The following HPSE2 variants were observed in gnomAD, a reference collection of about 807,000 sequenced individuals.
HPSE2 encodes the protein inactive heparanase-2.
A neutral mutation model predicts 60.5 loss-of-function variants in HPSE2; 38 were observed. The ratio of observed to expected loss-of-function variants is 0.63; its 90% confidence interval spans 0.48 to 0.82. The LOEUF is 0.82. Ranked by LOEUF, HPSE2 falls within the 40% of genes least tolerant of loss-of-function variation. The pLI is 0.00. For synonymous variants in HPSE2, 295 were observed against 293.2 expected (o/e 1.01, Z -0.06); for missense variants, 713 against 740.4 (o/e 0.96, Z 0.43).
chr10:99,112,442 GTTTT>G, intron 3 of HPSE2, among the ~76,000 whole-genome samples: 1 of 151,262 alleles, frequency 6.6e-6, no homozygotes, highest in South Asian at 2.1e-4. Flanking sequence ...GTTTTGTTTT[GTTTT>G]GTTTTGTTTT....
intron 9 of HPSE2, among the ~76,000 whole-genome samples, chr10:98,590,554 A>C (rs1335658664): frequency 1.3e-5 from 2 of 152,196 alleles, no homozygotes; most frequent in Admixed American, 1.3e-4. Context: ...CTGAGAAAAG[A>C]GTTTTGTCTA....
chr10:99,014,971 A>G (rs1389190659), intron 3 of HPSE2, among the ~76,000 whole-genome samples: 2 of 152,260 alleles, frequency 1.3e-5, no homozygotes, highest in Non-Finnish European at 2.9e-5. Flanking sequence ...AAACAAATTT[A>G]CAAGAAAAAA....
At chr10:99,298,429 A>G in the HPSE2 span, among the ~76,000 whole-genome samples, 3 of 152,280 alleles carry the variant, frequency 2.0e-5, no homozygotes, top group East Asian at 1.9e-4. Flanking sequence ...TAGGGACAAC[A>G]GCAAGCAACC....
At chr10:99,294,817 G>A in the HPSE2 span, among the ~76,000 whole-genome samples, 49 of 152,060 alleles carry the variant, frequency 3.2e-4, no homozygotes, top group Non-Finnish European at 5.3e-4. Flanking sequence ...AAAATCAGGC[G>A]TGTACCACCA....
At position 99,215,576 on chromosome 10, in the gene HPSE2, G is replaced by A. The variant is rs141427524; in HGVS notation, c.448+16772C>T. Among the ~76,000 whole-genome samples, 202 of 152,230 alleles carry A rather than the reference G, an allele frequency of 1.3e-3. 1 individual carries two copies. The highest frequency in any genetic ancestry group is 4.6e-3 in the African/African-American group (190 of 41,528). On this transcript the variant is annotated intron_variant, in intron 2 of 11. Coordinates refer to ENST00000370552, the MANE Select transcript of HPSE2 (RefSeq NM_021828.5). ...AACCACCATGGCACAAGTATACCTAGGTAACAAATCTGTACTTTCTGCACA... is the reference window on the plus strand; with the variant it reads ...AACCACCATGGCACAAGTATACCTAAGTAACAAATCTGTACTTTCTGCACA...
At chr10:99,067,994 A>C (rs1034205943) in intron 3 of HPSE2, among the ~76,000 whole-genome samples, 1 of 152,164 alleles carries the variant, frequency 6.6e-6, no homozygotes, top group East Asian at 1.9e-4. Context: ...CAGATCTCTA[A>C]GGCAGGGGGA....
At chr10:98,562,092 G>C (rs570442910) in intron 9 of HPSE2, among the ~76,000 whole-genome samples, 4 of 151,214 alleles carry the variant, frequency 2.6e-5, no homozygotes, top group African/African-American at 9.7e-5. Flanking sequence ...ATATTTTCCC[G>C]TACCTTTTCT....
the HPSE2 span, among the ~76,000 whole-genome samples, chr10:99,246,720 C>G: frequency 6.7e-6 from 1 of 148,204 alleles, no homozygotes; most frequent in Non-Finnish European, 1.5e-5. Flanking sequence ...GCACTCCAGC[C>G]TGGCAACAGA....
intron 3 of HPSE2, among the ~76,000 whole-genome samples, chr10:99,098,696 T>C (rs1193170616): frequency 2.6e-5 from 4 of 152,162 alleles, no homozygotes; most frequent in Non-Finnish European, 5.9e-5. Context: ...AGAAAATATG[T>C]TCTGAAATTT....
chr10:99,172,025 T>C (rs1847330453), intron 2 of HPSE2, among the ~76,000 whole-genome samples: 1 of 152,194 alleles, frequency 6.6e-6, no homozygotes, highest in African/African-American at 2.4e-5. Context: ...GTATCATAAC[T>C]TTTTATAATT....
chr10:98,709,120 G>A (rs1400611470), intron 5 of HPSE2, among the ~76,000 whole-genome samples: 1 of 152,142 alleles, frequency 6.6e-6, no homozygotes, highest in Non-Finnish European at 1.5e-5. Flanking sequence ...TTGATAGATT[G>A]TTCTGCTCTC....
intron 9 of HPSE2, among the ~76,000 whole-genome samples, chr10:98,597,635 C>T (rs1283337878): frequency 6.6e-6 from 1 of 150,902 alleles, no homozygotes; most frequent in Non-Finnish European, 1.5e-5. Flanking sequence ...TGTGCCACTG[C>T]ACTCCAGCCT....
At chr10:98,630,523 T>C (rs2134009676) in intron 7 of HPSE2, among the ~76,000 whole-genome samples, 1 of 152,072 alleles carries the variant, frequency 6.6e-6, no homozygotes, top group Non-Finnish European at 1.5e-5. Flanking sequence ...CGATTACCTT[T>C]CCCCTGCTCA....
At chr10:98,862,075 T>C (rs1952471226) in intron 3 of HPSE2, among the ~76,000 whole-genome samples, 1 of 152,218 alleles carries the variant, frequency 6.6e-6, no homozygotes, top group Non-Finnish European at 1.5e-5. Flanking sequence ...GAAATCATTC[T>C]GTTTTAATCC....
At chr10:98,641,788 C>A (rs778771253) in intron 7 of HPSE2, 59 bp downstream of exon 7, 1 of 1,325,076 alleles carries the variant, frequency 7.5e-7, no homozygotes, top group Non-Finnish European at 1.1e-6. Flanking sequence ...GACTTTGTGT[C>A]TTTTTCCTTG....
intron 3 of HPSE2, among the ~76,000 whole-genome samples, chr10:98,876,886 A>G (rs915864225): frequency 2.0e-5 from 3 of 151,912 alleles, no homozygotes; most frequent in African/African-American, 7.2e-5. Flanking sequence ...TTCTCAGACC[A>G]GATAAAACCA....
intron 3 of HPSE2, among the ~76,000 whole-genome samples, chr10:98,856,292 T>C (rs746654741): frequency 1.1e-4 from 17 of 152,216 alleles, no homozygotes; most frequent in African/African-American, 4.1e-4. Flanking sequence ...AACCATCAGA[T>C]AGGGATTTAA....
intron 6 of HPSE2, among the ~76,000 whole-genome samples, chr10:98,686,179 C>T (rs933078387): frequency 3.9e-5 from 6 of 152,002 alleles, no homozygotes; most frequent in South Asian, 4.1e-4. Context: ...TTATTTCCTT[C>T]ATTTTACTTA....
At chr10:99,181,114 C>T (rs970875401) in intron 2 of HPSE2, among the ~76,000 whole-genome samples, 34 of 152,046 alleles carry the variant, frequency 2.2e-4, no homozygotes, top group African/African-American at 7.0e-4. Flanking sequence ...TAAAGACACA[C>T]GCGGCCGGGC....
Sources: allele counts gnomAD v4.1 joint callset (sites outside exome capture counted in the v4.1 genomes callset), GRCh38; gene constraint gnomAD v4.1.1; transcripts MANE v1.5; gene names NCBI Gene and HGNC (gene_info 2026-07-23, HGNC 2026-07-21).